NEDD4L: variants seen among roughly 807,000 people sequenced by gnomAD.
The protein encoded by NEDD4L is E3 ubiquitin-protein ligase NEDD4-like.
NEDD4L carries 54 observed loss-of-function variants against 148.9 expected under a neutral mutation model. The observed-to-expected ratio is 0.36, with a 90% CI of 0.29 to 0.45. The LOEUF (loss-of-function observed/expected upper bound fraction) is 0.45. Among genes scored for constraint, NEDD4L ranks in the 20% least tolerant of loss-of-function variants. The pLI is 1.00. For missense variants in NEDD4L, 856 were observed against 1,233.8 expected (o/e 0.69, Z 4.59); for synonymous variants, 433 against 440.7 (o/e 0.98, Z 0.22).
intron 24 of NEDD4L, among the ~76,000 whole-genome samples, chr18:58,378,076 T>C (rs911499540): frequency 7.9e-5 from 12 of 152,090 alleles, no homozygotes; most frequent in African/African-American, 2.9e-4. Context: ...CTGCCAGAAG[T>C]TTCAAGAGGC....
At chr18:58,129,852 TGTTG>T (rs1186760160) in intron 1 of NEDD4L, among the ~76,000 whole-genome samples, 3 of 150,496 alleles carry the variant, frequency 2.0e-5, no homozygotes, top group Non-Finnish European at 4.4e-5. Context: ...TGTTGGGCTC[TGTTG>T]GGGTTTGGTT....
Position 58,341,277 on chromosome 18 carries a change from G to A in NEDD4L, c.1257+108G>A, listed in dbSNP as rs560802459. On this transcript the variant is annotated intron_variant, in intron 14 of 30. Transcript: ENST00000400345. ...GTATTGTTCTGAAAGACCCGTATTT[G>A]TAAAAGCTTTCTCACAAAGAAAATG... 3.1e-6 allele frequency: 4 copies of A among 1,279,900 alleles called. No homozygotes were observed. In the South Asian group the frequency reaches 6.2e-5, roughly 20 times the overall value. 79.3% of individuals were successfully genotyped at this position (1,279,900 alleles called of 1,614,324 possible). A position where few individuals can be genotyped will look rare whatever the true frequency, so the allele number is the denominator to read the frequency against.
intron 1 of NEDD4L, chr18:58,045,472 G>A (rs56218034): frequency 0.54 from 116,194 of 215,590 alleles, 34,266 homozygotes; most frequent in East Asian, 0.85. Context: ...AATAAGCCAC[G>A]CCTCCCAGGC....
Position 58,366,843 on chromosome 18 carries a change from T to C in NEDD4L, c.2063+615T>C, listed in dbSNP as rs1256776068. ...ACCCAAGCCCCCAGTAGAATAGTCA[T>C]TGACCTTGCTGAAGGGCATTTGTCA... On this transcript the variant is annotated intron_variant, in intron 21 of 30. Transcript: ENST00000400345. This position sits in a 1 kb window ranked among gnomAD's most constrained non-coding sequence, Gnocchi z 4.2. Among the ~76,000 whole-genome samples, 8 of 152,146 alleles carry C rather than the reference T, an allele frequency of 5.3e-5. No individual in the cohort carries two copies. The highest frequency in any genetic ancestry group is 1.9e-4 in the African/African-American group (8 of 41,444).
At chr18:58,173,569 C>G (rs1321690135) in intron 2 of NEDD4L, among the ~76,000 whole-genome samples, 2 of 152,192 alleles carry the variant, frequency 1.3e-5, no homozygotes, top group African/African-American at 4.8e-5. Context: ...GAGGATAGCT[C>G]TTTGACACAG....
chr18:58,273,737 A>G (rs2051428302), intron 5 of NEDD4L, among the ~76,000 whole-genome samples: 1 of 152,240 alleles, frequency 6.6e-6, no homozygotes, highest in Non-Finnish European at 1.5e-5. Context: ...GCACTTATCC[A>G]TTCAGTGAGC....
chr18:58,397,749 A>G lies in NEDD4L; in HGVS notation c.*1480A>G, dbSNP rs2050586718. 2 of 152,638 alleles carry G rather than the reference A, an allele frequency of 1.3e-5. No homozygotes were observed. The highest frequency in any genetic ancestry group is 6.5e-5 in the Admixed American group (1 of 15,288). The allele number at this position is 152,638 out of a possible 1,614,324, so 9.5% of individuals were successfully genotyped here. ...GATTCTTTTCCACGTGTAAGTCTCCATTGCAGAATTGTCGTGCTTTGAGAA... is the reference window on the plus strand; with the variant it reads ...GATTCTTTTCCACGTGTAAGTCTCCGTTGCAGAATTGTCGTGCTTTGAGAA... On this transcript the variant is annotated 3_prime_UTR_variant, in exon 31 of 31. Coordinates refer to ENST00000400345, the MANE Select transcript of NEDD4L (RefSeq NM_001144967.3).
chr18:58,256,396 C>T lies in NEDD4L; in HGVS notation c.297+4342C>T, dbSNP rs2048570134. On this transcript the variant is annotated intron_variant, in intron 5 of 30. Transcript: ENST00000400345. This position sits in a 1 kb window ranked among gnomAD's most constrained non-coding sequence, Gnocchi z 5.2. ...TCCAGTTGCAGCAGCCCCAACAAGGCGCTTCGGGGCCAGGCAGCGACCTCA... is the reference window on the plus strand; with the variant it reads ...TCCAGTTGCAGCAGCCCCAACAAGGTGCTTCGGGGCCAGGCAGCGACCTCA... 3 of 1,232,324 alleles carry T rather than the reference C, an allele frequency of 2.4e-6. No individual in the cohort carries two copies. The highest frequency in any genetic ancestry group is 3.2e-5 in the East Asian group (1 of 31,684). 76.3% of individuals were successfully genotyped at this position (1,232,324 alleles called of 1,614,324 possible).
At chr18:58,353,291 A>C (rs1461718516) in intron 18 of NEDD4L, among the ~76,000 whole-genome samples, 3 of 152,224 alleles carry the variant, frequency 2.0e-5, no homozygotes, top group Non-Finnish European at 4.4e-5. Flanking sequence ...TCACTTGACT[A>C]GAGCAGCACC....
At chr18:58,262,579 A>C (rs2049563611) in intron 5 of NEDD4L, among the ~76,000 whole-genome samples, 1 of 150,866 alleles carries the variant, frequency 6.6e-6, no homozygotes, top group African/African-American at 2.4e-5. Context: ...CAGTGAGCTG[A>C]GATCGTGCCA....
chr18:58,087,203 T>C (rs926080210), intron 1 of NEDD4L, among the ~76,000 whole-genome samples: 3 of 152,348 alleles, frequency 2.0e-5, no homozygotes, highest in Middle Eastern at 3.4e-3. Flanking sequence ...CTTAGCTACA[T>C]TCAGCCATCT....
intron 2 of NEDD4L, among the ~76,000 whole-genome samples, chr18:58,205,730 G>GT (rs905996384): frequency 4.7e-5 from 7 of 150,330 alleles, no homozygotes; most frequent in Non-Finnish European, 7.4e-5. Flanking sequence ...TAGCATTATT[G>GT]TTTAAAAAAA....
intron 1 of NEDD4L, among the ~76,000 whole-genome samples, chr18:58,122,889 C>G (rs1000215855): frequency 2.6e-5 from 4 of 152,104 alleles, no homozygotes; most frequent in African/African-American, 7.2e-5. Flanking sequence ...TGTGCCACCA[C>G]GCCTGGCTCA....
At chr18:58,162,787 G>A (rs2036380451) in intron 1 of NEDD4L, among the ~76,000 whole-genome samples, 1 of 151,382 alleles carries the variant, frequency 6.6e-6, no homozygotes. Context: ...GTTGCAGCCG[G>A]GCGCAGTGGC....
At position 58,278,508 on chromosome 18, in the gene NEDD4L, C is replaced by T. The variant is rs576006016; in HGVS notation, c.297+26454C>T. 5.7e-4 allele frequency among the ~76,000 whole-genome samples: 87 copies of T among 152,342 alleles called. 1 individual carries two copies. The highest frequency in any genetic ancestry group is 4.4e-3 in the Admixed American group (67 of 15,302). Reference sequence around the variant, plus strand: ...AAAGTATGGATTTTACAGATCTTATCCTCTCCTGTTCTGCCAAAACCCCAT... The same window carrying T: ...AAAGTATGGATTTTACAGATCTTATTCTCTCCTGTTCTGCCAAAACCCCAT... On this transcript the variant is annotated intron_variant, in intron 5 of 30. Coordinates refer to ENST00000400345, the MANE Select transcript of NEDD4L (RefSeq NM_001144967.3).
Position 58,391,552 on chromosome 18 carries a change from C to A in NEDD4L, c.2818C>A (p.His940Asn). Residue 940 changes from histidine to asparagine, a missense_variant, in exon 30 of 31, where the codon CAC becomes AAC. His to Asn is a moderately conservative substitution (Grantham distance 68, BLOSUM62 1). This residue lies in a region of NEDD4L where 286 missense variants were observed against 531.8 expected (regional missense o/e 0.54). Coordinates refer to ENST00000400345, the MANE Select transcript of NEDD4L (RefSeq NM_001144967.3). ...CAGTCCTGAGAAACTGCCCAGAGCT[C>A]ACACATGGTGAGTGACAAAAACACA... ...WGSPEKLPRAHTCFNRLDLPP... is the reference protein window; with the variant it reads ...WGSPEKLPRANTCFNRLDLPP... The A allele has an allele frequency of 6.4e-7, 1 of 1,570,036 alleles. No homozygotes were observed. The highest frequency in any genetic ancestry group is 2.3e-5 in the East Asian group (1 of 42,780).
At chr18:58,146,831 A>G (rs2034144851) in intron 1 of NEDD4L, among the ~76,000 whole-genome samples, 1 of 152,198 alleles carries the variant, frequency 6.6e-6, no homozygotes, top group Non-Finnish European at 1.5e-5. Flanking sequence ...TTTTCTTGCC[A>G]TCTTGAAATT....
intron 4 of NEDD4L, among the ~76,000 whole-genome samples, chr18:58,251,406 C>T (rs2047922764): frequency 6.6e-6 from 1 of 152,044 alleles, no homozygotes; most frequent in South Asian, 2.1e-4. Context: ...CCAAGCTACT[C>T]AGGAGAGTGA....
At chr18:58,167,076 C>A (rs977160638) in intron 2 of NEDD4L, among the ~76,000 whole-genome samples, 2 of 152,180 alleles carry the variant, frequency 1.3e-5, no homozygotes, top group Admixed American at 6.5e-5. Context: ...TCAGTGAAAT[C>A]TTTTAAAAAA....
Sources: allele counts gnomAD v4.1 joint callset (sites outside exome capture counted in the v4.1 genomes callset), GRCh38; gene constraint gnomAD v4.1.1; regional missense constraint gnomAD v4.1.1; non-coding constraint Gnocchi (gnomAD v3.1); transcripts MANE v1.5; gene names NCBI Gene and HGNC (gene_info 2026-07-23, HGNC 2026-07-21).